SLC2A9: variants seen among roughly 807,000 people sequenced by gnomAD.
SLC2A9 encodes solute carrier family 2, facilitated glucose transporter member 9.
Under a neutral mutation model 50.6 loss-of-function variants are expected in SLC2A9, and 39 were observed. The ratio of observed to expected loss-of-function variants is 0.77; its 90% CI spans 0.60 to 1.01. The LOEUF is 1.01. Among genes scored for constraint, SLC2A9 ranks in the 50% least tolerant of loss-of-function variants. SLC2A9 has a pLI of 0.00. For synonymous variants in SLC2A9, 324 were observed against 276.9 expected (o/e 1.17, Z -1.69); for missense variants, 686 against 677.6 (o/e 1.01, Z -0.14).
At chr4:9,782,644 G>A (rs368793452) in intron 3 of SLC2A9, 1 of 1,613,914 alleles carries the variant, frequency 6.2e-7, no homozygotes, top group African/African-American at 1.3e-5. Flanking sequence ...CCTGGGAGGA[G>A]GACTTTTGGG....
intron 3 of SLC2A9, among the ~76,000 whole-genome samples, chr4:9,807,588 G>A (rs1048166458): frequency 6.6e-6 from 1 of 152,180 alleles, no homozygotes; most frequent in African/African-American, 2.4e-5. Context: ...ATCAGTGTGT[G>A]ATGGATACTT....
At chr4:9,839,287 C>A (rs1727619287) in intron 10 of SLC2A9, among the ~76,000 whole-genome samples, 1 of 152,062 alleles carries the variant, frequency 6.6e-6, no homozygotes, top group African/African-American at 2.4e-5. Context: ...CAATGAGATA[C>A]CATCTCACAA....
chr4:9,872,842 T>C (rs1035687524), intron 10 of SLC2A9, among the ~76,000 whole-genome samples: 5 of 152,220 alleles, frequency 3.3e-5, no homozygotes, highest in African/African-American at 7.2e-5. Context: ...TGTTCATAAA[T>C]AGTTAAAAGA....
Position 9,835,012 on chromosome 4 carries a change from C to A in SLC2A9, c.1292-4G>T. The A allele has an allele frequency of 6.2e-7, 1 of 1,613,144 alleles. No individual in the cohort carries two copies. Among genetic ancestry groups the A allele is most frequent in the Non-Finnish European group, 8.5e-7 (1 of 1,179,936 alleles). ...GTCAAGATGAACGGGATGCCACCTG[C>A]AGTGTGTGAGCCAGGACATGGAATT... On this transcript the variant is annotated splice_polypyrimidine_tract_variant and splice_region_variant and intron_variant, in intron 10 of 11. Coordinates refer to ENST00000264784, the MANE Select transcript of SLC2A9 (RefSeq NM_020041.3).
chr4:10,005,724 T>C (rs897557722), intron 2 of SLC2A9, among the ~76,000 whole-genome samples: 2 of 152,036 alleles, frequency 1.3e-5, no homozygotes, highest in Admixed American at 6.5e-5. Flanking sequence ...GAGCCAAGAG[T>C]TCTGGATTTA....
At chr4:9,777,544 A>G (rs1296437264), downstream of SLC2A9, among the ~76,000 whole-genome samples, 2 of 25,734 alleles carry the variant, frequency 7.8e-5, no homozygotes, top group South Asian at 1.4e-3. Flanking sequence ...ATCTGAAAAC[A>G]AATGTCAGTG....
intron 4 of SLC2A9, 55 bp from the exon 5 acceptor site, chr4:9,980,792 A>G: frequency 6.2e-7 from 1 of 1,611,674 alleles, no homozygotes. Context: ...GGGGAGCTGC[A>G]CTCTGGTTAC....
intron 10 of SLC2A9, among the ~76,000 whole-genome samples, chr4:9,836,088 C>CAAAAAAAAAAAAAAAA (rs35303241): frequency 6.2e-5 from 3 of 48,222 alleles, no homozygotes; most frequent in African/African-American, 8.8e-5. Context: ...AACTCCCTCT[C>CAAAAAAAAAAAAAAAA]AAAAAAAAAA....
intron 4 of SLC2A9, among the ~76,000 whole-genome samples, chr4:9,982,337 C>A (rs1756023145): frequency 6.6e-6 from 1 of 152,204 alleles, no homozygotes; most frequent in African/African-American, 2.4e-5. Flanking sequence ...TCTCCAAGTC[C>A]TGGCGTGACT....
At chr4:9,890,540 C>T (rs1169437668) in intron 9 of SLC2A9, 70 bp downstream of exon 9, 16 of 1,437,042 alleles carry the variant, frequency 1.1e-5, no homozygotes, top group Non-Finnish European at 1.6e-5. Flanking sequence ...AATCAAAGGC[C>T]CCAAAACGAT....
At chr4:9,992,629 C>A (rs1166603158) in intron 3 of SLC2A9, among the ~76,000 whole-genome samples, 4 of 152,232 alleles carry the variant, frequency 2.6e-5, no homozygotes, top group African/African-American at 9.6e-5. Flanking sequence ...CCATCTTATA[C>A]CTCCATGGGA....
chr4:9,853,071 G>C (rs1473440190), intron 10 of SLC2A9, among the ~76,000 whole-genome samples: 1 of 151,874 alleles, frequency 6.6e-6, no homozygotes, highest in Non-Finnish European at 1.5e-5. Context: ...AGCTACTCAG[G>C]AGGCTGAGGC....
chr4:9,782,309 G>C (rs1718538857), intron 3 of SLC2A9: 3 of 1,613,916 alleles, frequency 1.9e-6, no homozygotes, highest in Non-Finnish European at 2.5e-6. Flanking sequence ...GGCGCTGCTG[G>C]TCATGCCCTG....
At chr4:9,925,068 T>A (rs1156710141) in intron 6 of SLC2A9, among the ~76,000 whole-genome samples, 1 of 152,196 alleles carries the variant, frequency 6.6e-6, no homozygotes, top group Non-Finnish European at 1.5e-5. Context: ...ACGGTCCCTG[T>A]GGCATCTGGA....
intron 1 of SLC2A9, among the ~76,000 whole-genome samples, chr4:10,033,304 C>T (rs1295911238): frequency 6.6e-6 from 1 of 152,186 alleles, no homozygotes; most frequent in Non-Finnish European, 1.5e-5. Context: ...ACCTTCCTGT[C>T]TCCATTGGAG....
At chr4:9,829,846 T>C (rs1725775286) in intron 11 of SLC2A9, among the ~76,000 whole-genome samples, 1 of 152,116 alleles carries the variant, frequency 6.6e-6, no homozygotes, top group Non-Finnish European at 1.5e-5. Context: ...TGGCGATTAT[T>C]AAAAAGTCAA....
At chr4:9,802,866 G>T (rs1344067098) in intron 3 of SLC2A9, among the ~76,000 whole-genome samples, 2 of 152,122 alleles carry the variant, frequency 1.3e-5, no homozygotes, top group African/African-American at 4.8e-5. Context: ...GCCCGGCTGG[G>T]TAAAGAGTTT....
At chr4:9,904,384 C>T (rs747726442) in intron 8 of SLC2A9, among the ~76,000 whole-genome samples, 2 of 152,152 alleles carry the variant, frequency 1.3e-5, no homozygotes, top group African/African-American at 2.4e-5. Flanking sequence ...CTGGCAATGG[C>T]GTCACTCCTG....
chr4:10,023,861 C>T (rs76552410), upstream of SLC2A9, among the ~76,000 whole-genome samples: 350 of 152,292 alleles, frequency 2.3e-3, no homozygotes, highest in Non-Finnish European at 4.3e-3. Context: ...AGGGCTGGTT[C>T]CCCATTCCAC....
Sources: allele counts gnomAD v4.1 joint callset (sites outside exome capture counted in the v4.1 genomes callset), GRCh38; gene constraint gnomAD v4.1.1; transcripts MANE v1.5; gene names NCBI Gene and HGNC (gene_info 2026-07-23, HGNC 2026-07-21).